The following FRMD6 variants were observed in gnomAD, a reference collection of about 807,000 sequenced individuals.
The protein encoded by FRMD6 is FERM domain-containing protein 6.
FRMD6 carries 37 observed loss-of-function variants against 73.2 expected under a neutral mutation model. That is an observed-to-expected ratio of 0.51 (90% CI 0.39 to 0.66). The LOEUF is 0.66. FRMD6 is among the 30% of genes least tolerant of loss of function. FRMD6 has a pLI of 0.00. For missense variants in FRMD6, 714 were observed against 780.5 expected, an observed-to-expected ratio of 0.91 and a Z score of 1.02; for synonymous variants, 273 against 282.2, an observed-to-expected ratio of 0.97 and a Z score of 0.33.
At chr14:51,496,215 C>T (rs1447087208) in intron 1 of FRMD6, among the ~76,000 whole-genome samples, 1 of 152,170 alleles carries the variant, frequency 6.6e-6, no homozygotes, top group Admixed American at 6.5e-5. Context: ...GAATCCCAAA[C>T]CACACCTTCA....
the FRMD6 span, among the ~76,000 whole-genome samples, chr14:51,412,531 C>T: frequency 6.6e-6 from 1 of 152,136 alleles, no homozygotes; most frequent in Non-Finnish European, 1.5e-5. Flanking sequence ...TTGTCTGGCT[C>T]AGTGAATCTG....
At chr14:51,621,218 C>T (rs1227984642) in intron 2 of FRMD6, among the ~76,000 whole-genome samples, 4 of 151,892 alleles carry the variant, frequency 2.6e-5, no homozygotes, top group Admixed American at 6.6e-5. Context: ...GTTGTTTGTG[C>T]TTGATGTTAT....
chr14:51,449,091 G>T, the FRMD6 span, among the ~76,000 whole-genome samples: 2 of 152,178 alleles, frequency 1.3e-5, no homozygotes, highest in East Asian at 3.8e-4. Context: ...CTCTGCTGTT[G>T]TTACAGAGCA....
At chr14:51,506,005 C>A (rs1222752061) in intron 1 of FRMD6, among the ~76,000 whole-genome samples, 1 of 152,168 alleles carries the variant, frequency 6.6e-6, no homozygotes, top group Non-Finnish European at 1.5e-5. Context: ...AAAACGCTTC[C>A]TGTAACAATC....
At chr14:51,472,034 C>T in the FRMD6 span, among the ~76,000 whole-genome samples, 3,101 of 152,288 alleles carry the variant, frequency 0.02, 90 homozygotes, top group African/African-American at 0.065. Context: ...TATGAGGCAA[C>T]TGGACCTGGT....
In FRMD6 at chr14:51,634,826, CTTCAGTTTT is replaced by C. The variant is rs1713962639; in HGVS notation, c.-146-54860_-146-54852del. Among the ~76,000 whole-genome samples the C allele has an allele frequency of 2.0e-5, 3 of 152,240 alleles. No individual in the cohort carries two copies. The South Asian group carries it at 6.2e-4, about 32-fold the overall frequency. On this transcript the variant is annotated intron_variant, in intron 2 of 14. Coordinates refer to the FRMD6 transcript ENST00000356218. ...GGTAAAGCCACATAACTGCTTCAAG[CTTCAGTTTT>C]TTCATCTATAAAATGAAAACGTTAG...
At chr14:51,648,381 C>T (rs1172342903), upstream of FRMD6, among the ~76,000 whole-genome samples, 2 of 152,324 alleles carry the variant, frequency 1.3e-5, no homozygotes, top group Non-Finnish European at 2.9e-5. Flanking sequence ...CTTGTTCACT[C>T]TGTGTCCTCT....
At chr14:51,472,428 C>T in the FRMD6 span, among the ~76,000 whole-genome samples, 3 of 152,122 alleles carry the variant, frequency 2.0e-5, no homozygotes, top group Admixed American at 6.5e-5. Context: ...TTCAGCCTCC[C>T]GAGTGGCTGG....
the FRMD6 span, among the ~76,000 whole-genome samples, chr14:51,409,340 CTTTTTTT>C: frequency 3.7e-4 from 31 of 84,152 alleles, no homozygotes; most frequent in African/African-American, 4.8e-4. Flanking sequence ...AAGTTTTTTG[CTTTTTTT>C]TTTTTTTTTT....
chr14:51,671,132 A>G (rs1893977236), intron 1 of FRMD6, among the ~76,000 whole-genome samples: 1 of 152,134 alleles, frequency 6.6e-6, no homozygotes. Context: ...CTTTTGGTAT[A>G]TATTGCTGAA....
At chr14:51,629,033 C>T (rs1413215492) in intron 2 of FRMD6, among the ~76,000 whole-genome samples, 7 of 151,566 alleles carry the variant, frequency 4.6e-5, no homozygotes, top group African/African-American at 1.7e-4. Flanking sequence ...CCCGCCACCA[C>T]GCCCGGCTAA....
chr14:51,438,401 A>C, the FRMD6 span, among the ~76,000 whole-genome samples: 56,241 of 152,136 alleles, frequency 0.37, 10,904 homozygotes, highest in Non-Finnish European at 0.42. Context: ...AAAGGTTAAA[A>C]GTGTACAAGT....
the FRMD6 span, among the ~76,000 whole-genome samples, chr14:51,442,345 T>C: frequency 0.013 from 2,000 of 152,252 alleles, 24 homozygotes; most frequent in Middle Eastern, 0.048. Flanking sequence ...TCTCTCATTC[T>C]CTTTCTCTCA....
At chr14:51,505,390 G>C (rs528508898) in intron 1 of FRMD6, among the ~76,000 whole-genome samples, 2 of 151,918 alleles carry the variant, frequency 1.3e-5, no homozygotes, top group African/African-American at 2.4e-5. Flanking sequence ...CTTGTTTATC[G>C]AATTTTTACA....
chr14:51,431,908 C>T, the FRMD6 span, among the ~76,000 whole-genome samples: 9 of 152,138 alleles, frequency 5.9e-5, 1 homozygote, highest in South Asian at 1.2e-3. Flanking sequence ...TTTAAAGTCA[C>T]CCACTTTGCA....
intron 2 of FRMD6, among the ~76,000 whole-genome samples, chr14:51,617,374 A>T (rs1234625290): frequency 6.6e-6 from 1 of 152,202 alleles, no homozygotes; most frequent in East Asian, 1.9e-4. Context: ...TAGAGGGAAG[A>T]CAGGGAATGA....
rs896447283 is a variant in FRMD6 at position 51,698,247 on chromosome 14, C to T, written c.190+15C>T. 6.4e-7 allele frequency: 1 copy of T among 1,572,020 alleles called. No individual in the cohort carries two copies. Among genetic ancestry groups the T allele is most frequent in the African/African-American group, 1.3e-5 (1 of 74,110 alleles). ...TGTTATACAAAGTAAGTCTTAGAGCCCTCTCTGATGGATTTAGCCAACTAT... is the reference window on the plus strand; with the variant it reads ...TGTTATACAAAGTAAGTCTTAGAGCTCTCTCTGATGGATTTAGCCAACTAT... On this transcript the variant is annotated intron_variant, in intron 3 of 13. Coordinates refer to ENST00000344768, the MANE Select transcript of FRMD6 (RefSeq NM_001267046.2).
upstream of FRMD6, among the ~76,000 whole-genome samples, chr14:51,488,211 G>C (rs774690705): frequency 1.3e-5 from 2 of 152,164 alleles, no homozygotes; most frequent in Non-Finnish European, 2.9e-5. Flanking sequence ...TGAAATTTTC[G>C]CAGTAATTTT....
At chr14:51,603,776 A>T (rs1890135001) in intron 2 of FRMD6, among the ~76,000 whole-genome samples, 1 of 152,152 alleles carries the variant, frequency 6.6e-6, no homozygotes, top group South Asian at 2.1e-4. Context: ...GGAAAATAAC[A>T]TCCTCTTAGG....
Sources: gnomAD v4.1 joint callset for allele counts (sites outside exome capture counted in the v4.1 genomes callset) on GRCh38, gnomAD v4.1.1 for gene constraint, MANE v1.5 for transcripts, NCBI Gene and HGNC (gene_info 2026-07-23, HGNC 2026-07-21) for gene names.